The following GABRG3 variants were observed in gnomAD, a reference collection of about 807,000 sequenced individuals.
GABRG3 encodes the protein gamma-aminobutyric acid type A receptor subunit gamma3.
Under a neutral mutation model 48.8 loss-of-function variants are expected in GABRG3, and 25 were observed. That is an observed-to-expected ratio of 0.51 (90% CI 0.37 to 0.72). The LOEUF (loss-of-function observed/expected upper bound fraction) is 0.72. GABRG3 is among the 30% of genes least tolerant of loss of function. The pLI is 0.00. For synonymous variants in GABRG3, 227 were observed against 217.6 expected (o/e 1.04, Z -0.38); for missense variants, 394 against 577.9 (o/e 0.68, Z 3.26).
At chr15:27,308,652 G>A (rs938956175) in intron 3 of GABRG3, among the ~76,000 whole-genome samples, 2 of 146,234 alleles carry the variant, frequency 1.4e-5, no homozygotes, top group Non-Finnish European at 3.0e-5. Context: ...ATACGCTTAT[G>A]TATAAACATA....
chr15:27,025,960 G>A (rs552598232), intron 2 of GABRG3, among the ~76,000 whole-genome samples: 25 of 152,160 alleles, frequency 1.6e-4, no homozygotes, highest in Admixed American at 9.8e-4. Flanking sequence ...TCAGAGGTCC[G>A]TGGGCTCAGC....
At chr15:27,529,913 T>C (rs961605557) in intron 9 of GABRG3, among the ~76,000 whole-genome samples, 1 of 108,384 alleles carries the variant, frequency 9.2e-6, no homozygotes, top group Non-Finnish European at 2.0e-5. Context: ...AAAGAGAAAG[T>C]GGGAAAGTTT....
chr15:27,063,489 G>T (rs1555401263), intron 3 of GABRG3, among the ~76,000 whole-genome samples: 2 of 152,208 alleles, frequency 1.3e-5, no homozygotes, highest in Non-Finnish European at 2.9e-5. Context: ...ACCAGATCTG[G>T]TTGTTTAAGA....
chr15:27,014,480 A>T (rs1247124636), intron 2 of GABRG3, among the ~76,000 whole-genome samples: 1 of 149,888 alleles, frequency 6.7e-6, no homozygotes, highest in Non-Finnish European at 1.5e-5. Context: ...ATAAGTTTTG[A>T]TATGTTGTGT....
chr15:27,183,364 G>A (rs1887994840), intron 3 of GABRG3, among the ~76,000 whole-genome samples: 1 of 152,226 alleles, frequency 6.6e-6, no homozygotes, highest in Admixed American at 6.5e-5. Flanking sequence ...GCTGATGGCA[G>A]CGAAAAGGGA....
Position 27,534,019 on chromosome 15 carries a change from T to C in GABRG3, c.*1138T>C, listed in dbSNP as rs1718154434. On this transcript the variant is annotated 3_prime_UTR_variant, in exon 10 of 10. Transcript: ENST00000615808. ...CACCCGGCTAATTTTTGTATTTTTGTTTTTTGTTTTTTGGGTTTTTTTAGT... is the reference window on the plus strand; with the variant it reads ...CACCCGGCTAATTTTTGTATTTTTGCTTTTTGTTTTTTGGGTTTTTTTAGT... 1 of 151,752 alleles carries C rather than the reference T, an allele frequency of 6.6e-6. No individual in the cohort carries two copies. The highest frequency in any genetic ancestry group is 2.4e-5 in the African/African-American group (1 of 41,262). The allele number at this position is 151,752 out of a possible 1,614,324, so 9.4% of individuals were successfully genotyped here. A position where few individuals can be genotyped will look rare whatever the true frequency, so the allele number is the denominator to read the frequency against.
In GABRG3 at chr15:26,974,827, C is replaced by T. The variant is rs1228293372; in HGVS notation, c.54-2175C>T. 6.8e-6 allele frequency among the ~76,000 whole-genome samples: 1 copy of T among 147,478 alleles called. No individual in the cohort carries two copies. Among genetic ancestry groups the T allele is most frequent in the East Asian group, 2.0e-4 (1 of 5,046 alleles). On this transcript the variant is annotated intron_variant, in intron 1 of 9. Coordinates refer to ENST00000615808, the MANE Select transcript of GABRG3 (RefSeq NM_033223.5). This position sits in a 1 kb window ranked among gnomAD's most constrained non-coding sequence, Gnocchi z 4.3. Reference sequence around the variant, plus strand: ...ATTTCTGATAATATTTCAGATGACACGAAATATTTTTTAAATTTATTATTA... The same window carrying T: ...ATTTCTGATAATATTTCAGATGACATGAAATATTTTTTAAATTTATTATTA...
intron 3 of GABRG3, among the ~76,000 whole-genome samples, chr15:27,307,220 A>T (rs1226274569): frequency 7.3e-6 from 1 of 137,262 alleles, no homozygotes; most frequent in Non-Finnish European, 1.6e-5. Context: ...TTTATATATA[A>T]CCATGTTTAT....
At chr15:27,454,867 C>A (rs188657429) in intron 5 of GABRG3, among the ~76,000 whole-genome samples, 53 of 152,282 alleles carry the variant, frequency 3.5e-4, no homozygotes, top group Admixed American at 1.8e-3. Context: ...CCGCAGGAAG[C>A]AATAATGAGT....
chr15:26,998,342 C>A (rs921316292), intron 2 of GABRG3, among the ~76,000 whole-genome samples: 2 of 152,196 alleles, frequency 1.3e-5, no homozygotes, highest in South Asian at 4.1e-4. Context: ...GTCCAGAGTT[C>A]TTAATCCTTA....
In GABRG3 at chr15:27,054,602, G is replaced by T. The variant is rs571330173; in HGVS notation, c.270+27781G>T. 3.9e-5 allele frequency among the ~76,000 whole-genome samples: 6 copies of T among 152,240 alleles called. No homozygotes were observed. The East Asian group carries it at 7.7e-4, about 20-fold the overall frequency. On this transcript the variant is annotated intron_variant, in intron 3 of 9. Transcript: ENST00000615808. ...CGGAAATGCATCCGTTTATTTTGTG[G>T]TGCCGCCCTGACTCCCATACAGAAA...
rs1304801601 is a variant in GABRG3 at position 26,975,647 on chromosome 15, A to G, written c.54-1355A>G. Among the ~76,000 whole-genome samples, 1 of 152,218 alleles carries G rather than the reference A, an allele frequency of 6.6e-6. No individual in the cohort carries two copies. ...CCTAAATTAAGTGGAAAAAATGAATATGAAATTTTATTTTTTAAATTAACA... is the reference window on the plus strand; with the variant it reads ...CCTAAATTAAGTGGAAAAAATGAATGTGAAATTTTATTTTTTAAATTAACA... On this transcript the variant is annotated intron_variant, in intron 1 of 9. Transcript: ENST00000615808. This position sits in a 1 kb window ranked among gnomAD's most constrained non-coding sequence, Gnocchi z 4.6.
Position 27,071,655 on chromosome 15 carries a change from G to A in GABRG3, c.270+44834G>A, listed in dbSNP as rs943201568. ...GCTCTCTCTGGCTGTAGTACGGTGA[G>A]GCTGGGGTTTTCTCCCTCAGCGATA... On this transcript the variant is annotated intron_variant, in intron 3 of 9. Transcript: ENST00000615808. Among the ~76,000 whole-genome samples the A allele has an allele frequency of 4.6e-5, 7 of 152,340 alleles. No homozygotes were observed. The South Asian group carries it at 1.5e-3, about 32-fold the overall frequency.
At chr15:27,250,436 C>T (rs180759882) in intron 3 of GABRG3, among the ~76,000 whole-genome samples, 3 of 152,158 alleles carry the variant, frequency 2.0e-5, no homozygotes, top group Non-Finnish European at 4.4e-5. Context: ...TTGCAGGAAG[C>T]GCTGCTTTTT....
chr15:27,502,040 A>G (rs1239145157), intron 6 of GABRG3, among the ~76,000 whole-genome samples: 1 of 152,196 alleles, frequency 6.6e-6, no homozygotes, highest in Admixed American at 6.5e-5. Context: ...AGCCACAATC[A>G]CTAGCATCAG....
chr15:27,272,263 T>C (rs1343080385), intron 3 of GABRG3, among the ~76,000 whole-genome samples: 22 of 152,356 alleles, frequency 1.4e-4, no homozygotes, highest in Non-Finnish European at 1.0e-4. Context: ...GGAAGTTGCA[T>C]CTGTGCTGAG....
intron 3 of GABRG3, among the ~76,000 whole-genome samples, chr15:27,307,760 TAAA>T (rs201026239): frequency 3.4e-4 from 43 of 127,162 alleles, no homozygotes; most frequent in African/African-American, 1.3e-3. Flanking sequence ...TATAAACATA[TAAA>T]ATAAACATAT....
At chr15:27,066,978 A>G (rs1896748426) in intron 3 of GABRG3, among the ~76,000 whole-genome samples, 1 of 152,214 alleles carries the variant, frequency 6.6e-6, no homozygotes, top group African/African-American at 2.4e-5. Flanking sequence ...GCATGGTGGG[A>G]TAATCTGACT....
chr15:27,272,995 G>A (rs1037817467), intron 3 of GABRG3, among the ~76,000 whole-genome samples: 2 of 151,994 alleles, frequency 1.3e-5, no homozygotes, highest in African/African-American at 2.4e-5. Context: ...AGCAACCATC[G>A]ACTACACATA....
Sources: gnomAD v4.1 joint callset for allele counts (sites outside exome capture counted in the v4.1 genomes callset) on GRCh38, gnomAD v4.1.1 for gene constraint, Gnocchi (gnomAD v3.1) non-coding constraint, MANE v1.5 for transcripts, NCBI Gene and HGNC (gene_info 2026-07-23, HGNC 2026-07-21) for gene names.